Variants in MBOAT1 observed in about 807,000 individuals in gnomAD.
MBOAT1 encodes membrane-bound glycerophospholipid O-acyltransferase 1.
A neutral mutation model predicts 64.4 loss-of-function variants in MBOAT1; 67 were observed. The ratio of observed to expected loss-of-function variants is 1.04; its 90% CI spans 0.85 to 1.27. The LOEUF is 1.27. Ranked by LOEUF, MBOAT1 falls within the 50% of genes most tolerant of loss-of-function variation. MBOAT1 has a pLI of 0.00. For synonymous variants in MBOAT1, 229 were observed against 218.9 expected (o/e 1.05, Z -0.41); for missense variants, 563 against 604.6 (o/e 0.93, Z 0.72).
At chr6:20,168,502 A>AGAGAGGAGAG (rs1226993180) in intron 1 of MBOAT1, among the ~76,000 whole-genome samples, 33 of 92,880 alleles carry the variant, frequency 3.6e-4, no homozygotes, top group African/African-American at 7.3e-4. Flanking sequence ...AGAGAGAGAG[A>AGAGAGGAGAG]GAGAGGAGAG....
chr6:20,149,119 AC>A (rs1292695700), intron 3 of MBOAT1, among the ~76,000 whole-genome samples: 4 of 144,318 alleles, frequency 2.8e-5, no homozygotes, highest in South Asian at 4.4e-4. Context: ...AAAAAAAAAA[AC>A]CAAACAAAAA....
Position 20,123,821 on chromosome 6 carries a change from C to T in MBOAT1, c.907+587G>A, listed in dbSNP as rs569445497. On this transcript the variant is annotated intron_variant, in intron 8 of 12. Coordinates refer to ENST00000324607, the MANE Select transcript of MBOAT1 (RefSeq NM_001080480.3). ...CCTGTAATCCCAGCACTTTGGGAGG[C>T]CAGGGCGGGCAGATCACGACGTCAG... 3.3e-5 allele frequency among the ~76,000 whole-genome samples: 5 copies of T among 152,222 alleles called. No homozygotes were observed. In the South Asian group the frequency reaches 1.0e-3, roughly 32 times the overall value.
intron 8 of MBOAT1, 25 bp from the exon 9 acceptor site, chr6:20,118,565 A>C: frequency 6.4e-7 from 1 of 1,574,754 alleles, no homozygotes; most frequent in East Asian, 2.2e-5. Flanking sequence ...GTAACACATT[A>C]GGATATGGAA....
chr6:20,212,287 T>C lies in MBOAT1; in HGVS notation c.-53A>G, dbSNP rs1763461585. On this transcript the variant is annotated 5_prime_UTR_variant, in exon 1 of 13. Transcript: ENST00000324607. Reference sequence around the variant, plus strand: ...TGTCCCAGCCCGCAACACCCCCTGCTCGGCGTCCTCCCGCCCGGGTGCTCT... The same window carrying C: ...TGTCCCAGCCCGCAACACCCCCTGCCCGGCGTCCTCCCGCCCGGGTGCTCT... 3.9e-6 allele frequency: 6 copies of C among 1,534,358 alleles called. No individual in the cohort carries two copies. Among genetic ancestry groups the C allele is most frequent in the Non-Finnish European group, 4.4e-6 (5 of 1,127,164 alleles).
rs1392669590 is a variant in MBOAT1 at position 20,124,456 on chromosome 6, C to T, written c.859G>A (p.Val287Ile). The change falls in exon 8 of 13, where the codon GTT becomes ATT. Residue 287 changes from valine to isoleucine, a missense_variant. Val to Ile is a conservative substitution (Grantham distance 29). Transcript: ENST00000324607. The part of the protein sequence containing the change: ...SFPARLCYLY[V>I]VMQASKPKYY... ...TTGGGCTTTGAGGCTTGCATGACAA[C>T]ATATAAGTAGCAGAGTCGAGCCGGA... The T allele has an allele frequency of 1.2e-6, 2 of 1,614,016 alleles. No individual in the cohort carries two copies. Among genetic ancestry groups the T allele is most frequent in the East Asian group, 2.2e-5 (1 of 44,888 alleles).
intron 1 of MBOAT1, among the ~76,000 whole-genome samples, chr6:20,202,477 C>T (rs1223558587): frequency 6.6e-6 from 1 of 152,144 alleles, no homozygotes; most frequent in Non-Finnish European, 1.5e-5. Context: ...TGATTGTGGA[C>T]TTTCAAAACC....
chr6:20,156,907 A>T (rs1761706305), intron 1 of MBOAT1, among the ~76,000 whole-genome samples: 4 of 152,206 alleles, frequency 2.6e-5, no homozygotes, highest in Admixed American at 2.6e-4. Flanking sequence ...CTGCACAGCA[A>T]AAGAAACTAC....
At chr6:20,193,747 T>C (rs1242433526) in intron 1 of MBOAT1, among the ~76,000 whole-genome samples, 2 of 151,448 alleles carry the variant, frequency 1.3e-5, no homozygotes, top group Non-Finnish European at 2.9e-5. Context: ...GCTGGGACTA[T>C]AGGCACCCGC....
At chr6:20,191,465 T>C (rs1762799817) in intron 1 of MBOAT1, among the ~76,000 whole-genome samples, 1 of 152,204 alleles carries the variant, frequency 6.6e-6, no homozygotes, top group Admixed American at 6.5e-5. Flanking sequence ...AAGAAATAGG[T>C]TCAAGGCCAC....
chr6:20,121,123 T>C (rs572659381), intron 8 of MBOAT1, among the ~76,000 whole-genome samples: 7 of 152,330 alleles, frequency 4.6e-5, no homozygotes, highest in African/African-American at 1.7e-4. Flanking sequence ...ATTATTTGAA[T>C]ATAAACAGTA....
At chr6:20,107,141 C>T (rs1190705960) in intron 12 of MBOAT1, among the ~76,000 whole-genome samples, 1 of 152,122 alleles carries the variant, frequency 6.6e-6, no homozygotes, top group Admixed American at 6.5e-5. Flanking sequence ...TAACATTTAG[C>T]TGCTGTGTAA....
chr6:20,132,837 T>C (rs1048716119), intron 4 of MBOAT1, among the ~76,000 whole-genome samples: 3 of 152,214 alleles, frequency 2.0e-5, no homozygotes, highest in Admixed American at 2.0e-4. Context: ...GGGACTTTAC[T>C]AGTCTATATA....
At chr6:20,109,559 T>C (rs372800146) in intron 12 of MBOAT1, 39 bp downstream of exon 12, 3 of 1,593,846 alleles carry the variant, frequency 1.9e-6, no homozygotes, top group Non-Finnish European at 2.6e-6. Flanking sequence ...GAAAATAGAG[T>C]CATTTACGAG....
chr6:20,129,516 G>A (rs1297907042), intron 5 of MBOAT1, among the ~76,000 whole-genome samples: 3 of 151,626 alleles, frequency 2.0e-5, no homozygotes, highest in Non-Finnish European at 4.4e-5. Context: ...TGCCTAAGAG[G>A]AGGCAGAATA....
chr6:20,209,950 A>G (rs1463687661), intron 1 of MBOAT1, among the ~76,000 whole-genome samples: 1 of 152,192 alleles, frequency 6.6e-6, no homozygotes, highest in Non-Finnish European at 1.5e-5. Flanking sequence ...GCAATGAAGT[A>G]ACTCCACTTT....
At chr6:20,198,978 A>G (rs1404648634) in intron 1 of MBOAT1, among the ~76,000 whole-genome samples, 1 of 152,250 alleles carries the variant, frequency 6.6e-6, no homozygotes, top group Non-Finnish European at 1.5e-5. Flanking sequence ...GACCGTACCT[A>G]CATACTAGTG....
chr6:20,200,723 A>G lies in MBOAT1; in HGVS notation c.99+11413T>C, dbSNP rs139231226. 1.6e-3 allele frequency among the ~76,000 whole-genome samples: 251 copies of G among 152,198 alleles called. 1 individual carries two copies. Among genetic ancestry groups the G allele is most frequent in the African/African-American group, 5.8e-3 (242 of 41,512 alleles). On this transcript the variant is annotated intron_variant, in intron 1 of 12. Coordinates refer to ENST00000324607, the MANE Select transcript of MBOAT1 (RefSeq NM_001080480.3). ...TTCCTGGGGAATGTGAGCAGAGCAG[A>G]CAGTGTCACCATGGAAGGACCCCTC...
chr6:20,183,705 T>C (rs1407764482), intron 1 of MBOAT1, among the ~76,000 whole-genome samples: 1 of 152,250 alleles, frequency 6.6e-6, no homozygotes, highest in Non-Finnish European at 1.5e-5. Flanking sequence ...GTATTGCTTC[T>C]GGCAAAACCC....
At chr6:20,154,476 TGAGCTGAGATCGCAC>T (rs1278065155) in intron 1 of MBOAT1, among the ~76,000 whole-genome samples, 76 of 152,196 alleles carry the variant, frequency 5.0e-4, no homozygotes, top group African/African-American at 1.4e-3. Flanking sequence ...GAGGTTGCAG[TGAGCTGAGATCGCAC>T]CACTGCACTC....
Sources: gnomAD v4.1 joint callset for allele counts (sites outside exome capture counted in the v4.1 genomes callset) on GRCh38, gnomAD v4.1.1 for gene constraint, MANE v1.5 for transcripts, NCBI Gene and HGNC (gene_info 2026-07-23, HGNC 2026-07-21) for gene names.